Variants in FARS2 observed in about 807,000 individuals in gnomAD.
FARS2 encodes phenylalanine--tRNA ligase, mitochondrial.
In FARS2, 40 loss-of-function variants were observed where a neutral mutation model predicts 46.4. The observed-to-expected ratio is 0.86, with a 90% CI of 0.67 to 1.12. FARS2 has a LOEUF of 1.12. Among genes scored for constraint, FARS2 ranks in the 50% most tolerant of loss-of-function variants. The probability of loss-of-function intolerance (pLI) is 0.00; values close to 1 mark genes in which losing one functional copy is unlikely to be tolerated. For missense variants in FARS2, 513 were observed against 567.9 expected, an observed-to-expected ratio of 0.90 and a Z score of 0.98; for synonymous variants, 234 against 214.9, an observed-to-expected ratio of 1.09 and a Z score of -0.78.
chr6:5,368,538 T>G lies in FARS2; in HGVS notation c.-21-12T>G. ...ACACCTGACTTGTGCTTTGCCTGTG[T>G]GCTCTTTCCAGAACCTGTGAGAAGT... On this transcript the variant is annotated splice_polypyrimidine_tract_variant and intron_variant, in intron 1 of 6. Coordinates refer to ENST00000274680, the MANE Select transcript of FARS2 (RefSeq NM_006567.5). The G allele has an allele frequency of 6.4e-7, 1 of 1,572,336 alleles. No individual in the cohort carries two copies. Among genetic ancestry groups the G allele is most frequent in the Non-Finnish European group, 8.6e-7 (1 of 1,157,820 alleles).
chr6:5,619,822 A>G (rs1343439213), intron 6 of FARS2, among the ~76,000 whole-genome samples: 1 of 151,802 alleles, frequency 6.6e-6, no homozygotes, highest in Non-Finnish European at 1.5e-5. Context: ...CCCTCTCTTC[A>G]TTCTTTTTTC....
chr6:5,376,584 G>A (rs1289121532), intron 2 of FARS2, among the ~76,000 whole-genome samples: 2 of 152,262 alleles, frequency 1.3e-5, no homozygotes, highest in South Asian at 2.1e-4. Flanking sequence ...AATGGGCTCT[G>A]TTTTTATATT....
intron 1 of FARS2, among the ~76,000 whole-genome samples, chr6:5,270,096 G>C (rs1301153522): frequency 6.6e-6 from 1 of 152,136 alleles, no homozygotes; most frequent in Non-Finnish European, 1.5e-5. Context: ...TGAGTTTTTT[G>C]GGAGAATTAT....
intron 6 of FARS2, among the ~76,000 whole-genome samples, chr6:5,708,116 C>T (rs1337645802): frequency 6.6e-6 from 1 of 152,044 alleles, no homozygotes; most frequent in Non-Finnish European, 1.5e-5. Context: ...GGTTGTAGAA[C>T]AGTGAACTGT....
At chr6:5,338,285 A>G (rs1456449512) in intron 1 of FARS2, among the ~76,000 whole-genome samples, 1 of 152,162 alleles carries the variant, frequency 6.6e-6, no homozygotes, top group African/African-American at 2.4e-5. Context: ...TGCTCTCACG[A>G]TGTGCTGTTT....
intron 3 of FARS2, among the ~76,000 whole-genome samples, chr6:5,422,354 G>T (rs927105489): frequency 6.6e-6 from 1 of 151,398 alleles, no homozygotes; most frequent in Non-Finnish European, 1.5e-5. Context: ...GACTATGCCT[G>T]TTTGGTTCTC....
At chr6:5,639,905 A>G (rs535076355) in intron 6 of FARS2, among the ~76,000 whole-genome samples, 2 of 152,224 alleles carry the variant, frequency 1.3e-5, no homozygotes, top group Non-Finnish European at 2.9e-5. Flanking sequence ...TCAGAGCATT[A>G]GTGCCCCAAG....
intron 2 of FARS2, among the ~76,000 whole-genome samples, chr6:5,392,376 T>C (rs1165624936): frequency 1.3e-5 from 2 of 152,204 alleles, no homozygotes; most frequent in African/African-American, 2.4e-5. Flanking sequence ...AACTTTACTG[T>C]GTTTTACAGT....
chr6:5,362,618 T>C lies in FARS2; in HGVS notation c.-21-5932T>C, dbSNP rs551400218. 3.3e-5 allele frequency among the ~76,000 whole-genome samples: 5 copies of C among 152,344 alleles called. No homozygotes were observed. In the South Asian group the frequency reaches 6.2e-4, roughly 19 times the overall value. ...ACAGAAGTGGGATTGCTGGATCATATGTTAATAGTTCTATTTTTAAATTTT... is the reference window on the plus strand; with the variant it reads ...ACAGAAGTGGGATTGCTGGATCATACGTTAATAGTTCTATTTTTAAATTTT... On this transcript the variant is annotated intron_variant, in intron 1 of 6. Coordinates refer to ENST00000274680, the MANE Select transcript of FARS2 (RefSeq NM_006567.5).
At chr6:5,501,313 C>T (rs955193917) in intron 4 of FARS2, among the ~76,000 whole-genome samples, 1 of 151,992 alleles carries the variant, frequency 6.6e-6, no homozygotes, top group Non-Finnish European at 1.5e-5. Context: ...CTGTAAAGCT[C>T]TTGGCATATG....
At chr6:5,394,249 A>T (rs559114585) in intron 2 of FARS2, among the ~76,000 whole-genome samples, 2 of 152,354 alleles carry the variant, frequency 1.3e-5, no homozygotes, top group African/African-American at 4.8e-5. Flanking sequence ...AAAACATTTC[A>T]GTTAATGGCA....
chr6:5,338,378 G>A (rs1462598944), intron 1 of FARS2, among the ~76,000 whole-genome samples: 2 of 151,960 alleles, frequency 1.3e-5, no homozygotes, highest in Non-Finnish European at 2.9e-5. Context: ...GTGTGTTTTC[G>A]TCTCCCTTTC....
At chr6:5,480,296 C>T (rs1417366143) in intron 4 of FARS2, among the ~76,000 whole-genome samples, 2 of 152,182 alleles carry the variant, frequency 1.3e-5, no homozygotes, top group East Asian at 1.9e-4. Flanking sequence ...AATTGCACAA[C>T]TCCAGAGTGG....
chr6:5,709,218 G>A (rs1420331176), intron 6 of FARS2, among the ~76,000 whole-genome samples: 3 of 152,296 alleles, frequency 2.0e-5, no homozygotes, highest in African/African-American at 4.8e-5. Context: ...GACTGAAGGT[G>A]GGGTTGAGGC....
chr6:5,743,317 C>T (rs976951352), intron 6 of FARS2, among the ~76,000 whole-genome samples: 3 of 152,126 alleles, frequency 2.0e-5, no homozygotes, highest in African/African-American at 4.8e-5. Flanking sequence ...CTTTCACCCA[C>T]CCCAGCCCTA....
At chr6:5,499,702 C>G (rs560442551) in intron 4 of FARS2, among the ~76,000 whole-genome samples, 1 of 152,276 alleles carries the variant, frequency 6.6e-6, no homozygotes, top group East Asian at 1.9e-4. Flanking sequence ...AATTTGCTTC[C>G]TTTGGCTTGG....
At chr6:5,734,801 A>G (rs1366034890) in intron 6 of FARS2, among the ~76,000 whole-genome samples, 1 of 152,050 alleles carries the variant, frequency 6.6e-6, no homozygotes, top group African/African-American at 2.4e-5. Context: ...TTTGATTTGT[A>G]GATAGATAGA....
At chr6:5,759,946 T>C (rs918248474) in intron 6 of FARS2, among the ~76,000 whole-genome samples, 1 of 152,232 alleles carries the variant, frequency 6.6e-6, no homozygotes, top group African/African-American at 2.4e-5. Flanking sequence ...AGGATATCAC[T>C]GCTATATTCC....
At chr6:5,459,046 C>G (rs1020421482) in intron 4 of FARS2, among the ~76,000 whole-genome samples, 2 of 152,144 alleles carry the variant, frequency 1.3e-5, no homozygotes, top group Non-Finnish European at 2.9e-5. Flanking sequence ...TGATGTGTTG[C>G]TTTGTGAAAC....
Sources: allele counts gnomAD v4.1 joint callset (sites outside exome capture counted in the v4.1 genomes callset), GRCh38; gene constraint gnomAD v4.1.1; transcripts MANE v1.5; gene names NCBI Gene and HGNC (gene_info 2026-07-23, HGNC 2026-07-21).